The following GORAB variants were observed in gnomAD, a reference collection of about 807,000 sequenced individuals.
GORAB encodes the protein golgin, RAB6 interacting, also known as RAB6-interacting golgin.
A neutral mutation model predicts 29.9 loss-of-function variants in GORAB; 17 were observed. That is an observed-to-expected ratio of 0.57 (90% CI 0.39 to 0.85). GORAB has a LOEUF of 0.85. Ranked by LOEUF, GORAB falls within the 40% of genes least tolerant of loss-of-function variation. The pLI is 0.00. For synonymous variants in GORAB, 183 were observed against 157.2 expected, an observed-to-expected ratio of 1.16 and a Z score of -1.23; for missense variants, 442 against 437.8, an observed-to-expected ratio of 1.01 and a Z score of -0.09.
chr1:170,537,574 A>G (rs1649139857), intron 1 of GORAB, among the ~76,000 whole-genome samples: 2 of 152,214 alleles, frequency 1.3e-5, no homozygotes, highest in African/African-American at 4.8e-5. Flanking sequence ...TTAAAAATCA[A>G]GATATTTTAC....
intron 2 of GORAB, 56 bp from the exon 3 acceptor site, chr1:170,542,435 G>T: frequency 1.0e-6 from 1 of 988,652 alleles, no homozygotes; most frequent in Admixed American, 1.7e-5. Context: ...TGTTGGATAG[G>T]GTAGCAGTTT....
In GORAB at chr1:170,553,560, A is replaced by G. The variant is rs969863780; in HGVS notation, c.*1098A>G. 4 of 442,792 alleles carry G rather than the reference A, an allele frequency of 9.0e-6. No homozygotes were observed. The highest frequency in any genetic ancestry group is 1.8e-5 in the Non-Finnish European group (4 of 224,076). 27.4% of individuals were successfully genotyped at this position (442,792 alleles called of 1,614,324 possible). On this transcript the variant is annotated 3_prime_UTR_variant, in exon 5 of 5. Coordinates refer to ENST00000367763, the MANE Select transcript of GORAB (RefSeq NM_152281.3). ...AATTATTATCAGAGAACATAAGCAC[A>G]AGTATAAGATTGTATCCATAAAAGT...
intron 3 of GORAB, 106 bp downstream of exon 3, chr1:170,542,698 C>G (rs1295734181): frequency 2.5e-6 from 2 of 811,284 alleles, no homozygotes; most frequent in African/African-American, 3.4e-5. Context: ...ATTTTTTCTT[C>G]AACCATTACT....
In GORAB at chr1:170,552,252, A is replaced by G. The variant is rs1269316857; in HGVS notation, c.900A>G (p.Ser300=). The stretch of plus-strand genomic sequence containing the variant: ...TGCTACACGAACAAGAAGTAGAATC[A>G]AGGAGACCAGTGGTTCGTTTAGAGA... ...ERLLHEQEVE[S]RRPVVRLERP... Residue 300 remains serine (S), a synonymous_variant, in exon 5 of 5, where the codon TCA becomes TCG. Coordinates refer to ENST00000367763, the MANE Select transcript of GORAB (RefSeq NM_152281.3). The G allele has an allele frequency of 2.5e-6, 4 of 1,614,026 alleles. No homozygotes were observed. In the African/African-American group the frequency reaches 4.0e-5, roughly 16 times the overall value.
At position 170,542,505 on chromosome 1, in the gene GORAB, G is replaced by C. The variant is rs147691146; in HGVS notation, c.434G>C (p.Arg145Pro). 2 of 1,613,246 alleles carry C rather than the reference G, an allele frequency of 1.2e-6. No homozygotes were observed. The highest frequency in any genetic ancestry group is 2.2e-5 in the South Asian group (2 of 91,066). The change falls in exon 3 of 5, where the codon CGT (arginine) becomes CCT (proline). Residue 145 changes from arginine (R) to proline (P), a missense_variant. By Grantham distance (103) the Arg-to-Pro change is moderately radical. Coordinates refer to ENST00000367763, the MANE Select transcript of GORAB (RefSeq NM_152281.3). ...KKKVELQEKSRWEVLQQEQRL... is the reference protein window; with the variant it reads ...KKKVELQEKSPWEVLQQEQRL... ...TTGCCCCCTAGGCAAGAAAAATCTC[G>C]TTGGGAAGTCCTCCAACAAGAACAA...
At chr1:170,550,456 G>A (rs893077664) in intron 4 of GORAB, among the ~76,000 whole-genome samples, 4 of 152,204 alleles carry the variant, frequency 2.6e-5, no homozygotes, top group African/African-American at 9.6e-5. Context: ...CTTTGATTCT[G>A]ATGACATGAC....
In GORAB at chr1:170,544,713, G is replaced by C; in HGVS notation, c.530G>C (p.Arg177Thr). 6.2e-7 allele frequency: 1 copy of C among 1,613,810 alleles called. No homozygotes were observed. Among genetic ancestry groups the C allele is most frequent in the Non-Finnish European group, 8.5e-7 (1 of 1,179,790 alleles). Residue 177 changes from arginine (R) to threonine (T), a missense_variant, in exon 4 of 5, where the codon AGA becomes ACA. Physicochemically the swap from Arg to Thr is moderately conservative, Grantham distance 71. Coordinates refer to ENST00000367763, the MANE Select transcript of GORAB (RefSeq NM_152281.3). Reference sequence around the variant, plus strand: ...CATACCTGATTTTCTAGATCCAAAAGAACTCAGGCAGAGACCATGAAACTA... The same window carrying C: ...CATACCTGATTTTCTAGATCCAAAACAACTCAGGCAGAGACCATGAAACTA... The part of the protein sequence containing the change: ...LAKAIAERSK[R>T]TQAETMKLKR...
chr1:170,546,246 T>C (rs1012773197), intron 4 of GORAB, among the ~76,000 whole-genome samples: 3 of 152,004 alleles, frequency 2.0e-5, no homozygotes, highest in African/African-American at 4.8e-5. Context: ...AAAAATTAGC[T>C]GGGCGTGGTG....
chr1:170,548,414 A>G (rs2101831186), intron 4 of GORAB, among the ~76,000 whole-genome samples: 1 of 152,328 alleles, frequency 6.6e-6, no homozygotes, highest in East Asian at 1.9e-4. Context: ...TTGTCATAGA[A>G]AGTAATATTC....
chr1:170,534,751 A>G (rs1230965779), intron 1 of GORAB, among the ~76,000 whole-genome samples: 1 of 152,166 alleles, frequency 6.6e-6, no homozygotes, highest in Non-Finnish European at 1.5e-5. Context: ...AGGCTGTACC[A>G]TCTAGGTTTG....
chr1:170,552,153 G>A lies in GORAB; in HGVS notation c.801G>A (p.Leu267=). 1.2e-6 allele frequency: 2 copies of A among 1,614,086 alleles called. No individual in the cohort carries two copies. Among genetic ancestry groups the A allele is most frequent in the Non-Finnish European group, 1.7e-6 (2 of 1,179,992 alleles). ...ATGAGCTCCGAAAGGCCAAGAAGTT[G>A]GAGGAGTTGATGCAACAACTAGATG... ...QQNELRKAKK[L]EELMQQLDVE... The change falls in exon 5 of 5, where the codon TTG becomes TTA. Residue 267 remains leucine, a synonymous_variant. Transcript: ENST00000367763.
chr1:170,543,589 G>A (rs1160999857), intron 3 of GORAB, among the ~76,000 whole-genome samples: 1 of 146,984 alleles, frequency 6.8e-6, no homozygotes, highest in Admixed American at 6.8e-5. Context: ...GAGTTACTAT[G>A]TTTCAAAGGA....
At chr1:170,540,194 T>C (rs1649327544) in intron 2 of GORAB, among the ~76,000 whole-genome samples, 1 of 152,138 alleles carries the variant, frequency 6.6e-6, no homozygotes, top group South Asian at 2.1e-4. Flanking sequence ...ACTAATGATA[T>C]AACTCAGTTC....
intron 1 of GORAB, among the ~76,000 whole-genome samples, chr1:170,534,334 G>A (rs1383678758): frequency 6.6e-6 from 1 of 152,156 alleles, no homozygotes; most frequent in African/African-American, 2.4e-5. Flanking sequence ...ATACACAAAT[G>A]TGCATTTAAA....
At position 170,542,380 on chromosome 1, in the gene GORAB, T is replaced by C. The variant is rs1013492835; in HGVS notation, c.420-111T>C. The C allele has an allele frequency of 7.3e-5, 50 of 685,754 alleles. No homozygotes were observed. In the African/African-American group the frequency reaches 8.7e-4, roughly 12 times the overall value. 42.5% of individuals were successfully genotyped at this position (685,754 alleles called of 1,614,324 possible). On this transcript the variant is annotated intron_variant, in intron 2 of 4. Transcript: ENST00000367763. ...ACTTTTGAAAGAACATATACATAAA[T>C]CTTCTTGATTAAATTTTATACTTAG...
chr1:170,535,989 CCTT>C (rs1649038900), intron 1 of GORAB, among the ~76,000 whole-genome samples: 1 of 152,032 alleles, frequency 6.6e-6, no homozygotes, highest in Non-Finnish European at 1.5e-5. Context: ...GTATTCTTGA[CCTT>C]CTATCTTTTC....
intron 4 of GORAB, among the ~76,000 whole-genome samples, chr1:170,547,757 A>G (rs1338088765): frequency 6.6e-6 from 1 of 152,234 alleles, no homozygotes; most frequent in South Asian, 2.1e-4. Context: ...ACAAACATAA[A>G]AAGCTGAGAG....
At chr1:170,543,840 G>C (rs1649593592) in intron 3 of GORAB, among the ~76,000 whole-genome samples, 1 of 152,084 alleles carries the variant, frequency 6.6e-6, no homozygotes, top group Non-Finnish European at 1.5e-5. Context: ...TTAATAAATG[G>C]ACAATGAAGT....
Position 170,532,309 on chromosome 1 carries a change from TTAATTCTTG to T in GORAB, c.61+26_61+34del, listed in dbSNP as rs758965238. ...GGTTACAAGATGGGTTTACAGTGGT[TTAATTCTTG>T]GGTCTTAAGGGGAAGAGGCGGGGAT... On this transcript the variant is annotated intron_variant, in intron 1 of 4. Coordinates refer to ENST00000367763, the MANE Select transcript of GORAB (RefSeq NM_152281.3). 7 of 1,612,964 alleles carry T rather than the reference TTAATTCTTG, an allele frequency of 4.3e-6. No homozygotes were observed. In the East Asian group the frequency reaches 1.6e-4, roughly 36 times the overall value.
Sources: allele counts gnomAD v4.1 joint callset (sites outside exome capture counted in the v4.1 genomes callset), GRCh38; gene constraint gnomAD v4.1.1; transcripts MANE v1.5; gene names NCBI Gene and HGNC (gene_info 2026-07-23, HGNC 2026-07-21).